Variants in PPP4R1 observed in about 807,000 individuals in gnomAD.
PPP4R1 encodes serine/threonine-protein phosphatase 4 regulatory subunit 1.
Under a neutral mutation model 111.2 loss-of-function variants are expected in PPP4R1, and 42 were observed. That is an observed-to-expected ratio of 0.38 (90% CI 0.29 to 0.49). PPP4R1 has a LOEUF of 0.49. PPP4R1 is among the 20% of genes least tolerant of loss of function. The pLI is 0.97. For missense variants in PPP4R1, 1,012 were observed against 1,161.6 expected, an observed-to-expected ratio of 0.87 and a Z score of 1.87; for synonymous variants, 409 against 405.5, an observed-to-expected ratio of 1.01 and a Z score of -0.10.
At chr18:9,575,302 A>C (rs2066919804) in intron 10 of PPP4R1, among the ~76,000 whole-genome samples, 1 of 152,228 alleles carries the variant, frequency 6.6e-6, no homozygotes. Context: ...TTGCATAATC[A>C]ATCAATCAAT....
intron 15 of PPP4R1, 63 bp from the exon 16 acceptor site, chr18:9,553,485 G>A: frequency 9.1e-7 from 1 of 1,102,984 alleles, no homozygotes; most frequent in Non-Finnish European, 1.3e-6. Flanking sequence ...TTTTACTAGA[G>A]TGCTTAAAAA....
intron 6 of PPP4R1, 35 bp downstream of exon 6, chr18:9,588,054 A>G (rs781137680): frequency 6.2e-7 from 1 of 1,612,370 alleles, no homozygotes; most frequent in Admixed American, 1.7e-5. Flanking sequence ...TATCAGCCAC[A>G]TTTTGCATAA....
chr18:9,575,999 A>G (rs545287562), intron 10 of PPP4R1, among the ~76,000 whole-genome samples: 32 of 152,300 alleles, frequency 2.1e-4, no homozygotes, highest in African/African-American at 7.2e-4. Flanking sequence ...TCCTGGCAGC[A>G]CCTGTTTTCA....
At chr18:9,573,926 G>A (rs2066899459) in intron 10 of PPP4R1, among the ~76,000 whole-genome samples, 1 of 152,132 alleles carries the variant, frequency 6.6e-6, no homozygotes, top group South Asian at 2.1e-4. Flanking sequence ...AGAAGACAAA[G>A]TTTCCCTAGT....
chr18:9,550,088 C>A lies in PPP4R1; in HGVS notation c.2511G>T (p.Lys837Asn). 4 of 1,614,234 alleles carry A rather than the reference C, an allele frequency of 2.5e-6. No individual in the cohort carries two copies. Among genetic ancestry groups the A allele is most frequent in the Non-Finnish European group, 3.4e-6 (4 of 1,180,042 alleles). Residue 837 changes from lysine (K) to asparagine (N), a missense_variant, in exon 18 of 20, where the codon AAG becomes AAT. Physicochemically the swap from Lys to Asn is moderately conservative, Grantham distance 94 (BLOSUM62 0). Around this residue, in one of 2 missense-constraint regions of PPP4R1, gnomAD observed 305 missense variants for 419.5 expected, o/e 0.73. Coordinates refer to ENST00000400556, the MANE Select transcript of PPP4R1 (RefSeq NM_001042388.3). ...AGACAAAGGCTTGCCGACCAGACCA[C>A]TTGGGACATCTGCCAAAGTTCTCCA... is the stretch of plus-strand genomic sequence containing the variant. ...ELVENFGRCP[K>N]WSGRQAFVFV...
chr18:9,547,605 A>T lies in PPP4R1; in HGVS notation c.*184T>A. 1 of 601,920 alleles carries T rather than the reference A, an allele frequency of 1.7e-6. No homozygotes were observed. The highest frequency in any genetic ancestry group is 2.9e-6 in the Non-Finnish European group (1 of 344,188). 37.3% of individuals were successfully genotyped at this position (601,920 alleles called of 1,614,324 possible). A position where few individuals can be genotyped will look rare whatever the true frequency, so the allele number is the denominator to read the frequency against. ...AAGTCAAGATAAGATAATAGTGTTT[A>T]CTGTACTTTCTCTTGACTCTTGAAA... On this transcript the variant is annotated 3_prime_UTR_variant, in exon 20 of 20. Coordinates refer to ENST00000400556, the MANE Select transcript of PPP4R1 (RefSeq NM_001042388.3).
rs769091095 is a variant in PPP4R1 at position 9,559,608 on chromosome 18, A to T, written c.1843-4T>A. ...ACAACGCCTGAGGTACAACATCCTA[A>T]TGGAGAAAGAGAAACCACAGTGACT... On this transcript the variant is annotated splice_region_variant and splice_polypyrimidine_tract_variant and intron_variant, in intron 13 of 19. Transcript: ENST00000400556. The T allele has an allele frequency of 6.4e-7, 1 of 1,567,172 alleles. No homozygotes were observed. Among genetic ancestry groups the T allele is most frequent in the South Asian group, 1.2e-5 (1 of 82,596 alleles).
At chr18:9,615,952 T>C (rs2067683281), upstream of PPP4R1, among the ~76,000 whole-genome samples, 1 of 152,152 alleles carries the variant, frequency 6.6e-6, no homozygotes, top group South Asian at 2.1e-4. Flanking sequence ...GATTATAATC[T>C]GTATGAAATT....
At chr18:9,586,338 G>T (rs1186303094) in intron 6 of PPP4R1, among the ~76,000 whole-genome samples, 1 of 151,942 alleles carries the variant, frequency 6.6e-6, no homozygotes, top group Non-Finnish European at 1.5e-5. Context: ...TTATAATACA[G>T]CAAGTTAAAC....
At chr18:9,580,503 C>A (rs1431937743) in intron 9 of PPP4R1, among the ~76,000 whole-genome samples, 1 of 152,100 alleles carries the variant, frequency 6.6e-6, no homozygotes. Context: ...GCGCCCGCCA[C>A]CACACCCGGC....
At chr18:9,579,837 A>AT (rs2066997913) in intron 9 of PPP4R1, among the ~76,000 whole-genome samples, 1 of 152,190 alleles carries the variant, frequency 6.6e-6, no homozygotes, top group Non-Finnish European at 1.5e-5. Context: ...ATACTATGCC[A>AT]TTTTGTATCA....
intron 10 of PPP4R1, among the ~76,000 whole-genome samples, chr18:9,573,057 T>C (rs1421888470): frequency 6.6e-6 from 1 of 152,230 alleles, no homozygotes; most frequent in East Asian, 1.9e-4. Context: ...GTAAGATGTT[T>C]TCCCACTCCA....
At chr18:9,575,880 G>T (rs562340830) in intron 10 of PPP4R1, among the ~76,000 whole-genome samples, 1 of 152,184 alleles carries the variant, frequency 6.6e-6, no homozygotes. Context: ...TTTTAAAACA[G>T]AAGTTATGTA....
At position 9,593,739 on chromosome 18, in the gene PPP4R1, T is replaced by C. The variant is rs769600005; in HGVS notation, c.295+29A>G. ...TTTGATCAAAGAAGCCTTTCTAGAA[T>C]AGAGTAAATTCACTTTCTCCACATA... On this transcript the variant is annotated intron_variant, in intron 4 of 19. Coordinates refer to ENST00000400556, the MANE Select transcript of PPP4R1 (RefSeq NM_001042388.3). 11 of 1,583,130 alleles carry C rather than the reference T, an allele frequency of 6.9e-6. No homozygotes were observed. In the African/African-American group the frequency reaches 9.4e-5, roughly 14 times the overall value.
chr18:9,561,529 GCA>G (rs1370984894), intron 13 of PPP4R1, among the ~76,000 whole-genome samples: 1 of 152,138 alleles, frequency 6.6e-6, no homozygotes, highest in Non-Finnish European at 1.5e-5. Flanking sequence ...GATTCCGTGA[GCA>G]CAGTTTCCCT....
chr18:9,584,882 G>A, intron 6 of PPP4R1, 54 bp from the exon 7 acceptor site: 1 of 1,334,274 alleles, frequency 7.5e-7, no homozygotes, highest in Non-Finnish European at 1.0e-6. Flanking sequence ...GCCTCTTTCA[G>A]TTAAATTAAA....
intron 14 of PPP4R1, among the ~76,000 whole-genome samples, chr18:9,557,919 T>G (rs1177383852): frequency 6.6e-6 from 1 of 152,214 alleles, no homozygotes; most frequent in Non-Finnish European, 1.5e-5. Flanking sequence ...TTCAGATTCC[T>G]GTACAGCCAA....
At chr18:9,617,114 A>G (rs2067694800), upstream of PPP4R1, 1 of 152,222 alleles carries the variant, frequency 6.6e-6, no homozygotes, top group Non-Finnish European at 1.5e-5. Flanking sequence ...TCATTATTCT[A>G]CATACCTTTA....
chr18:9,570,154 T>A lies in PPP4R1; in HGVS notation c.1573+3A>T. On this transcript the variant is annotated splice_donor_region_variant and intron_variant, in intron 11 of 19. Coordinates refer to ENST00000400556, the MANE Select transcript of PPP4R1 (RefSeq NM_001042388.3). Reference sequence around the variant, plus strand: ...GAATAAATAACTTGATTGACTTCCATACCTTTAACATCTGGATCATCAATG... The same window carrying A: ...GAATAAATAACTTGATTGACTTCCAAACCTTTAACATCTGGATCATCAATG... 1 of 1,497,476 alleles carries A rather than the reference T, an allele frequency of 6.7e-7. No homozygotes were observed. The highest frequency in any genetic ancestry group is 8.9e-7 in the Non-Finnish European group (1 of 1,123,490). 92.8% of individuals were successfully genotyped at this position (1,497,476 alleles called of 1,614,324 possible).
Sources: gnomAD v4.1 joint callset for allele counts (sites outside exome capture counted in the v4.1 genomes callset) on GRCh38, gnomAD v4.1.1 for gene constraint, gnomAD v4.1.1 regional missense constraint, MANE v1.5 for transcripts, NCBI Gene and HGNC (gene_info 2026-07-23, HGNC 2026-07-21) for gene names.